Variants in GPR39 observed in about 807,000 individuals in gnomAD.
GPR39 encodes zinc sensing receptor.
Under a neutral mutation model 18.4 loss-of-function variants are expected in GPR39, and 23 were observed. The ratio of observed to expected loss-of-function variants is 1.25; its 90% CI spans 0.90 to 1.77. GPR39 has a LOEUF of 1.77. GPR39 is among the 40% of genes most tolerant of loss of function. The pLI is 0.00. For synonymous variants in GPR39, 280 were observed against 257.9 expected, an observed-to-expected ratio of 1.09 and a Z score of -0.82; for missense variants, 647 against 602.4, an observed-to-expected ratio of 1.07 and a Z score of -0.78.
chr2:132,503,770 T>C (rs1679086249), intron 1 of GPR39, among the ~76,000 whole-genome samples: 1 of 152,212 alleles, frequency 6.6e-6, no homozygotes. Context: ...CAGGGCTTTC[T>C]GTGGCTGCTG....
intron 1 of GPR39, among the ~76,000 whole-genome samples, chr2:132,440,094 C>G (rs1680406849): frequency 6.6e-6 from 1 of 152,062 alleles, no homozygotes; most frequent in Non-Finnish European, 1.5e-5. Context: ...TAGGTGACTC[C>G]CTGAAGCTCA....
intron 1 of GPR39, among the ~76,000 whole-genome samples, chr2:132,642,540 G>C (rs1681874804): frequency 6.6e-6 from 1 of 152,222 alleles, no homozygotes; most frequent in Admixed American, 6.5e-5. Flanking sequence ...GTGGGAAGCT[G>C]TCAGAAGAGT....
chr2:132,473,364 C>T (rs921244049), intron 1 of GPR39, among the ~76,000 whole-genome samples: 1 of 152,134 alleles, frequency 6.6e-6, no homozygotes, highest in Non-Finnish European at 1.5e-5. Flanking sequence ...ACTTCCTGCT[C>T]CCCCATGCAA....
intron 1 of GPR39, among the ~76,000 whole-genome samples, chr2:132,557,667 C>T (rs911031232): frequency 1.3e-5 from 2 of 152,022 alleles, no homozygotes; most frequent in African/African-American, 4.8e-5. Context: ...GCTGCTCCAC[C>T]GCAGTCAGAG....
chr2:132,582,075 G>A (rs1680632958), intron 1 of GPR39, among the ~76,000 whole-genome samples: 1 of 152,228 alleles, frequency 6.6e-6, no homozygotes, highest in Non-Finnish European at 1.5e-5. Flanking sequence ...TAAGTGACAG[G>A]TGTGCTGGGG....
intron 1 of GPR39, among the ~76,000 whole-genome samples, chr2:132,568,177 G>A (rs1455549611): frequency 6.6e-6 from 1 of 152,058 alleles, no homozygotes; most frequent in Non-Finnish European, 1.5e-5. Context: ...GTTAAGATAG[G>A]GCAAACAATG....
chr2:132,567,428 G>T (rs995754874), intron 1 of GPR39, among the ~76,000 whole-genome samples: 3 of 152,152 alleles, frequency 2.0e-5, no homozygotes, highest in Non-Finnish European at 4.4e-5. Flanking sequence ...CACTGGAGTG[G>T]GTTAGTCAGC....
At chr2:132,496,211 T>G (rs932452614) in intron 1 of GPR39, among the ~76,000 whole-genome samples, 3 of 152,198 alleles carry the variant, frequency 2.0e-5, no homozygotes, top group Non-Finnish European at 2.9e-5. Context: ...CTTGCCTTTT[T>G]TTCACCCTTC....
intron 1 of GPR39, among the ~76,000 whole-genome samples, chr2:132,426,358 T>C (rs1357152066): frequency 6.6e-6 from 1 of 152,258 alleles, no homozygotes; most frequent in African/African-American, 2.4e-5. Context: ...GATGCCTTGA[T>C]AGTCAGAAAG....
At chr2:132,482,094 C>A (rs1681246032) in intron 1 of GPR39, among the ~76,000 whole-genome samples, 1 of 152,180 alleles carries the variant, frequency 6.6e-6, no homozygotes, top group African/African-American at 2.4e-5. Context: ...TTGACTGGTG[C>A]CACTGTCCCA....
intron 1 of GPR39, among the ~76,000 whole-genome samples, chr2:132,607,183 G>A (rs116044614): frequency 9.6e-4 from 146 of 152,256 alleles, no homozygotes; most frequent in African/African-American, 3.3e-3. Context: ...AGCCTGCTCT[G>A]GCATATTTCA....
At chr2:132,636,502 T>C (rs1336486795) in intron 1 of GPR39, among the ~76,000 whole-genome samples, 2 of 152,222 alleles carry the variant, frequency 1.3e-5, no homozygotes, top group Non-Finnish European at 2.9e-5. Context: ...CCTGGCTAAG[T>C]GCACTGGCTG....
intron 1 of GPR39, among the ~76,000 whole-genome samples, chr2:132,443,935 G>T (rs1475961180): frequency 6.6e-6 from 1 of 152,074 alleles, no homozygotes; most frequent in Non-Finnish European, 1.5e-5. Context: ...ATCTAGGTTT[G>T]GTGGTGGCAT....
At position 132,470,587 on chromosome 2, in the gene GPR39, A is replaced by C. The variant is rs901810119; in HGVS notation, c.856+52689A>C. ...TGGCTTCTATTCTGAGTAAAGGGTG[A>C]GCCATTGTGGTTGTTGAGCTGTGGA... On this transcript the variant is annotated intron_variant, in intron 1 of 1. Coordinates refer to ENST00000329321, the MANE Select transcript of GPR39 (RefSeq NM_001508.3). 2.2e-4 allele frequency among the ~76,000 whole-genome samples: 34 copies of C among 152,040 alleles called. 2 individuals are homozygous for C. Among genetic ancestry groups the C allele is most frequent in the Admixed American group, 1.2e-3 (18 of 15,262 alleles).
chr2:132,559,700 A>G (rs940082025), intron 1 of GPR39, among the ~76,000 whole-genome samples: 2 of 152,080 alleles, frequency 1.3e-5, no homozygotes, highest in Non-Finnish European at 2.9e-5. Context: ...CAGAGTGAAC[A>G]GCATTTCGCA....
rs780400363 is a variant in GPR39, at chr2:132,645,294, G to A, written c.1050G>A (p.Gln350=). Residue 350 remains glutamine (Q), a synonymous_variant, in exon 2 of 2, where the codon CAG becomes CAA. Coordinates refer to ENST00000329321, the MANE Select transcript of GPR39 (RefSeq NM_001508.3). ...TCCTGTACACGGTGTCCTCGCAGCA[G>A]TTTCGGCGGGTGTTCGTGCAGGTGC... ...NPLLYTVSSQ[Q]FRRVFVQVLC... 1.2e-6 allele frequency: 2 copies of A among 1,614,222 alleles called. No individual in the cohort carries two copies. The highest frequency in any genetic ancestry group is 2.2e-5 in the South Asian group (2 of 91,086).
intron 1 of GPR39, among the ~76,000 whole-genome samples, chr2:132,614,292 C>T (rs760849551): frequency 6.6e-6 from 1 of 152,078 alleles, no homozygotes; most frequent in Non-Finnish European, 1.5e-5. Flanking sequence ...CTGCAACCTC[C>T]ATCTCCCGGG....
At chr2:132,488,360 A>T (rs942971092) in intron 1 of GPR39, among the ~76,000 whole-genome samples, 5 of 152,154 alleles carry the variant, frequency 3.3e-5, no homozygotes, top group Admixed American at 1.3e-4. Context: ...ATATTTAGGT[A>T]AAAATAACAA....
rs566805071 is a variant in GPR39 at position 132,615,001 on chromosome 2, AC to A, written c.857-30097del. 9.5e-4 allele frequency among the ~76,000 whole-genome samples: 145 copies of A among 152,094 alleles called. 2 individuals are homozygous for A. Among genetic ancestry groups the A allele is most frequent in the Middle Eastern group, 3.4e-3 (1 of 292 alleles). The stretch of plus-strand genomic sequence containing the variant: ...TTAAAGTTTGGTTTCCATCTGAGCA[AC>A]CCTCTCTAGACCCAGGCATCTCACC... On this transcript the variant is annotated intron_variant, in intron 1 of 1. Transcript: ENST00000329321.
Sources: gnomAD v4.1 joint callset for allele counts (sites outside exome capture counted in the v4.1 genomes callset) on GRCh38, gnomAD v4.1.1 for gene constraint, MANE v1.5 for transcripts, NCBI Gene and HGNC (gene_info 2026-07-23, HGNC 2026-07-21) for gene names.